Variants in GPC6 observed in about 807,000 individuals in gnomAD.
GPC6 encodes the protein glypican 6, also known as glypican-6.
GPC6 carries 14 observed loss-of-function variants against 55.2 expected under a neutral mutation model. The observed-to-expected ratio is 0.25, with a 90% CI of 0.17 to 0.40. The LOEUF (loss-of-function observed/expected upper bound fraction) is 0.40, where lower values mean the gene tolerates loss of function less well. GPC6 is among the 10% of genes least tolerant of loss of function. The pLI is 1.00. For missense variants in GPC6, 641 were observed against 708.5 expected (o/e 0.90, Z 1.08); for synonymous variants, 278 against 259.6 (o/e 1.07, Z -0.68).
At chr13:94,383,713 G>A (rs563473584) in intron 7 of GPC6, among the ~76,000 whole-genome samples, 2 of 152,340 alleles carry the variant, frequency 1.3e-5, no homozygotes, top group East Asian at 1.9e-4. Flanking sequence ...TTTAGCATCT[G>A]TTGCTTTATT....
At chr13:93,624,298 C>T (rs1879100132) in intron 2 of GPC6, among the ~76,000 whole-genome samples, 1 of 152,076 alleles carries the variant, frequency 6.6e-6, no homozygotes. Context: ...AAGGAGCTCT[C>T]TTAAAATAAT....
chr13:94,032,841 T>C (rs957804516), intron 4 of GPC6, among the ~76,000 whole-genome samples: 14 of 152,188 alleles, frequency 9.2e-5, no homozygotes, highest in Non-Finnish European at 1.2e-4. Context: ...GACTGAAAAC[T>C]GTCATAAGAG....
intron 2 of GPC6, among the ~76,000 whole-genome samples, chr13:93,633,940 A>G (rs1489784728): frequency 6.6e-6 from 1 of 152,130 alleles, no homozygotes; most frequent in East Asian, 1.9e-4. Flanking sequence ...TATAGTAAAC[A>G]TATGTTTCCC....
chr13:94,368,048 C>G (rs533729353), intron 6 of GPC6, among the ~76,000 whole-genome samples: 17 of 150,642 alleles, frequency 1.1e-4, no homozygotes, highest in Non-Finnish European at 2.5e-4. Flanking sequence ...ACTCGGGAAG[C>G]TGAAGCAGGA....
intron 3 of GPC6, among the ~76,000 whole-genome samples, chr13:93,982,041 T>C (rs1222671297): frequency 1.3e-5 from 2 of 152,162 alleles, no homozygotes; most frequent in Non-Finnish European, 2.9e-5. Context: ...CAGAATAAAA[T>C]TCTGTGGAAT....
intron 1 of GPC6, among the ~76,000 whole-genome samples, chr13:93,393,951 T>A (rs1031209593): frequency 6.6e-6 from 1 of 152,168 alleles, no homozygotes; most frequent in African/African-American, 2.4e-5. Flanking sequence ...CTCAGTAAAC[T>A]TTGGTGGAAC....
intron 1 of GPC6, among the ~76,000 whole-genome samples, chr13:93,417,866 A>G (rs1394066129): frequency 6.6e-6 from 1 of 152,046 alleles, no homozygotes; most frequent in Non-Finnish European, 1.5e-5. Flanking sequence ...AATAAAAAAT[A>G]AACCTTTCCT....
At chr13:94,135,427 T>G (rs1178782529) in intron 4 of GPC6, among the ~76,000 whole-genome samples, 1 of 152,204 alleles carries the variant, frequency 6.6e-6, no homozygotes, top group Non-Finnish European at 1.5e-5. Context: ...GTAGCTTGCT[T>G]GTGTTATCTT....
chr13:93,499,720 A>G lies in GPC6; in HGVS notation c.161-45543A>G, dbSNP rs144759661. 2.9e-3 allele frequency among the ~76,000 whole-genome samples: 445 copies of G among 152,314 alleles called. 1 individual carries two copies. The highest frequency in any genetic ancestry group is 6.4e-3 in the South Asian group (31 of 4,824). Reference sequence around the variant, plus strand: ...TTTCTGGCACTTCCTTGCAAACTGCAACTAGGATCTAGCTCTTTCAAACCT... The same window carrying G: ...TTTCTGGCACTTCCTTGCAAACTGCGACTAGGATCTAGCTCTTTCAAACCT... On this transcript the variant is annotated intron_variant, in intron 1 of 8. Coordinates refer to ENST00000377047, the MANE Select transcript of GPC6 (RefSeq NM_005708.5).
At chr13:93,678,467 T>C (rs1189360135) in intron 2 of GPC6, among the ~76,000 whole-genome samples, 1 of 152,222 alleles carries the variant, frequency 6.6e-6, no homozygotes, top group Non-Finnish European at 1.5e-5. Context: ...TGAAATAATC[T>C]TAGCATGTCT....
intron 1 of GPC6, among the ~76,000 whole-genome samples, chr13:93,360,153 G>C (rs9301873): frequency 0.32 from 46,593 of 147,492 alleles, 8,117 homozygotes; most frequent in East Asian, 0.79. Context: ...ACAGGATAAA[G>C]AGTGTCTCCT....
At chr13:94,025,180 T>C (rs1882847371) in intron 3 of GPC6, among the ~76,000 whole-genome samples, 2 of 152,258 alleles carry the variant, frequency 1.3e-5, no homozygotes, top group South Asian at 2.1e-4. Flanking sequence ...GATTCAAACG[T>C]AGAAATACCT....
intron 4 of GPC6, among the ~76,000 whole-genome samples, chr13:94,158,922 A>C (rs1566480744): frequency 6.6e-6 from 1 of 151,582 alleles, no homozygotes; most frequent in South Asian, 2.1e-4. Context: ...CTTTACCACT[A>C]TCCCCCAATA....
At chr13:94,153,656 C>T (rs1887824082) in intron 4 of GPC6, among the ~76,000 whole-genome samples, 1 of 152,106 alleles carries the variant, frequency 6.6e-6, no homozygotes. Context: ...TTGAGAGTCA[C>T]AAAAAGGTAT....
chr13:93,219,171 G>A, the GPC6 span, among the ~76,000 whole-genome samples: 1 of 149,722 alleles, frequency 6.7e-6, no homozygotes, highest in Non-Finnish European at 1.5e-5. Flanking sequence ...TCAGCTCACT[G>A]CAACCTCTGC....
intron 2 of GPC6, among the ~76,000 whole-genome samples, chr13:93,583,786 TAGAG>T (rs778917017): frequency 3.9e-5 from 6 of 152,316 alleles, no homozygotes; most frequent in Non-Finnish European, 5.9e-5. Flanking sequence ...TACGGACTAA[TAGAG>T]AGAACAAATT....
chr13:93,475,132 A>G (rs1879255697), intron 1 of GPC6, among the ~76,000 whole-genome samples: 1 of 151,624 alleles, frequency 6.6e-6, no homozygotes, highest in Non-Finnish European at 1.5e-5. Flanking sequence ...ACAGGGTGAG[A>G]CCTGAATCCT....
chr13:93,973,091 G>A (rs1880358907), intron 3 of GPC6, among the ~76,000 whole-genome samples: 1 of 152,104 alleles, frequency 6.6e-6, no homozygotes, highest in Non-Finnish European at 1.5e-5. Context: ...CTGAGAATGT[G>A]TCATTAGGTG....
At chr13:94,067,614 G>GATAC (rs1458379975) in intron 4 of GPC6, among the ~76,000 whole-genome samples, 2 of 151,832 alleles carry the variant, frequency 1.3e-5, no homozygotes, top group East Asian at 3.9e-4. Context: ...TAGATAGATA[G>GATAC]ATAGATAGAC....
Sources: gnomAD v4.1 joint callset for allele counts (sites outside exome capture counted in the v4.1 genomes callset) on GRCh38, gnomAD v4.1.1 for gene constraint, MANE v1.5 for transcripts, NCBI Gene and HGNC (gene_info 2026-07-23, HGNC 2026-07-21) for gene names.